The following CNTNAP2 variants were observed in gnomAD, a reference collection of about 807,000 sequenced individuals.
The protein encoded by CNTNAP2 is contactin-associated protein-like 2.
Under a neutral mutation model 155.2 loss-of-function variants are expected in CNTNAP2, and 98 were observed. The observed-to-expected ratio is 0.63, with a 90% CI of 0.54 to 0.75. CNTNAP2 has a LOEUF of 0.75. CNTNAP2 is among the 30% of genes least tolerant of loss of function. The probability of loss-of-function intolerance (pLI) is 0.00; values close to 1 mark genes in which losing one functional copy is unlikely to be tolerated. For missense variants in CNTNAP2, 1,727 were observed against 1,688.1 expected, an observed-to-expected ratio of 1.02 and a Z score of -0.40; for synonymous variants, 651 against 631.2, an observed-to-expected ratio of 1.03 and a Z score of -0.47.
At chr7:148,188,106 C>T (rs1368575348) in intron 18 of CNTNAP2, among the ~76,000 whole-genome samples, 1 of 152,032 alleles carries the variant, frequency 6.6e-6, no homozygotes, top group Non-Finnish European at 1.5e-5. Flanking sequence ...TGGAAAAAAT[C>T]GTGGGAGAGT....
intron 13 of CNTNAP2, chr7:147,643,327 A>C (rs752555061): frequency 4.6e-5 from 7 of 152,184 alleles, no homozygotes; most frequent in Non-Finnish European, 8.8e-5. Context: ...AAATATCGTA[A>C]AGTGAATTTC....
Position 147,738,108 on chromosome 7 carries a change from C to G in CNTNAP2, c.2098+98802C>G, listed in dbSNP as rs531905765. ...CAGACATCACCCGTCTTTTGTGTCA[C>G]TTACGCTGGGAGCTGTAGACTGGAG... is the stretch of plus-strand genomic sequence containing the variant. On this transcript the variant is annotated intron_variant, in intron 13 of 23. Transcript: ENST00000361727. Among the ~76,000 whole-genome samples, 243 of 152,280 alleles carry G rather than the reference C, an allele frequency of 1.6e-3. 1 individual carries two copies. Among genetic ancestry groups the G allele is most frequent in the African/African-American group, 5.7e-3 (235 of 41,566 alleles).
chr7:147,135,578 T>C (rs1473537186), intron 8 of CNTNAP2, among the ~76,000 whole-genome samples: 3 of 151,812 alleles, frequency 2.0e-5, no homozygotes, highest in Non-Finnish European at 4.4e-5. Context: ...GGCATAATTT[T>C]CATTTTAACT....
intron 13 of CNTNAP2, among the ~76,000 whole-genome samples, chr7:147,801,651 A>AC (rs1292922868): frequency 2.6e-5 from 4 of 152,186 alleles, no homozygotes. Flanking sequence ...TAAGGTCACC[A>AC]ATCAACAGGA....
intron 13 of CNTNAP2, among the ~76,000 whole-genome samples, chr7:147,742,272 G>A (rs192556099): frequency 2.8e-4 from 42 of 152,338 alleles, no homozygotes; most frequent in Admixed American, 7.2e-4. Context: ...ATTTGTCACT[G>A]TTCCAGCTCA....
At chr7:146,155,455 A>T (rs1281881629) in intron 1 of CNTNAP2, among the ~76,000 whole-genome samples, 1 of 152,050 alleles carries the variant, frequency 6.6e-6, no homozygotes, top group Non-Finnish European at 1.5e-5. Context: ...TCGTATAACT[A>T]TGTGTCCCGG....
chr7:147,922,871 A>G (rs1013362864), intron 14 of CNTNAP2, among the ~76,000 whole-genome samples: 1 of 152,222 alleles, frequency 6.6e-6, no homozygotes, highest in Non-Finnish European at 1.5e-5. Context: ...TTTCAAGCTC[A>G]ATATTAGATG....
chr7:146,508,544 C>A (rs528499827), intron 1 of CNTNAP2, among the ~76,000 whole-genome samples: 3 of 152,306 alleles, frequency 2.0e-5, no homozygotes, highest in South Asian at 2.1e-4. Flanking sequence ...TGTCTACCAG[C>A]AGCAGCACCT....
chr7:147,045,719 A>C (rs1456083694), intron 4 of CNTNAP2, among the ~76,000 whole-genome samples: 1 of 152,170 alleles, frequency 6.6e-6, no homozygotes, highest in Non-Finnish European at 1.5e-5. Flanking sequence ...GCATAGCATC[A>C]TGACGGGAAG....
chr7:147,896,163 A>G (rs1799772908), intron 13 of CNTNAP2, among the ~76,000 whole-genome samples: 1 of 152,234 alleles, frequency 6.6e-6, no homozygotes, highest in African/African-American at 2.4e-5. Flanking sequence ...ACCTCCTTGC[A>G]CCTGTACTCC....
chr7:146,244,116 A>T (rs1384803795), intron 1 of CNTNAP2, among the ~76,000 whole-genome samples: 3 of 152,162 alleles, frequency 2.0e-5, no homozygotes, highest in East Asian at 3.9e-4. Flanking sequence ...TAAGAGAAGG[A>T]GAAAAACAGG....
At chr7:147,621,545 TACAA>T (rs1398982283) in intron 12 of CNTNAP2, among the ~76,000 whole-genome samples, 4 of 152,162 alleles carry the variant, frequency 2.6e-5, no homozygotes, top group African/African-American at 9.6e-5. Context: ...TGTTTGTTTA[TACAA>T]ACAGTGTTAG....
rs370060309 is a variant in CNTNAP2, at chr7:146,219,154, A to G, written c.97+102181A>G. On this transcript the variant is annotated intron_variant, in intron 1 of 23. Transcript: ENST00000361727. ...TATAAGACCATCAGATCTCACGAGAAGTCACTCACTATCATGAGAACAGCA... is the reference window on the plus strand; with the variant it reads ...TATAAGACCATCAGATCTCACGAGAGGTCACTCACTATCATGAGAACAGCA... Among the ~76,000 whole-genome samples the G allele has an allele frequency of 7.2e-5, 11 of 152,246 alleles. No homozygotes were observed. The East Asian group carries it at 1.7e-3, about 24-fold the overall frequency.
intron 1 of CNTNAP2, among the ~76,000 whole-genome samples, chr7:146,730,089 T>C (rs975112199): frequency 1.3e-5 from 2 of 152,206 alleles, no homozygotes; most frequent in African/African-American, 4.8e-5. Context: ...TGAGGTTTCC[T>C]TTATCATCTG....
At chr7:147,483,777 C>A (rs7782445) in intron 10 of CNTNAP2, among the ~76,000 whole-genome samples, 7 of 152,066 alleles carry the variant, frequency 4.6e-5, no homozygotes, top group African/African-American at 1.7e-4. Flanking sequence ...CCATCATATG[C>A]AGAACCACCT....
chr7:148,244,520 GT>G (rs763352466), intron 20 of CNTNAP2, among the ~76,000 whole-genome samples: 12 of 149,230 alleles, frequency 8.0e-5, no homozygotes, highest in Non-Finnish European at 1.8e-4. Context: ...ATTTGTTAGG[GT>G]TTTTGATGTT....
rs530987446 is a variant in CNTNAP2, at chr7:148,352,795, C to T, written c.3476-30854C>T. 2.1e-4 allele frequency among the ~76,000 whole-genome samples: 32 copies of T among 152,322 alleles called. No individual in the cohort carries two copies. In the South Asian group the frequency reaches 6.6e-3, roughly 32 times the overall value. ...CCAGGACTGGAAGCCGCCACTCTCACCATGCACCGTGAGGGGGTATCCTTG... is the reference window on the plus strand; with the variant it reads ...CCAGGACTGGAAGCCGCCACTCTCATCATGCACCGTGAGGGGGTATCCTTG... On this transcript the variant is annotated intron_variant, in intron 21 of 23. Transcript: ENST00000361727.
chr7:146,692,391 T>A (rs1232277859), intron 1 of CNTNAP2, among the ~76,000 whole-genome samples: 4 of 152,102 alleles, frequency 2.6e-5, no homozygotes, highest in African/African-American at 9.7e-5. Flanking sequence ...ATACTAAGAG[T>A]TATCCTGTTG....
At chr7:148,076,971 C>A (rs776058712) in intron 15 of CNTNAP2, among the ~76,000 whole-genome samples, 4 of 152,106 alleles carry the variant, frequency 2.6e-5, no homozygotes, top group African/African-American at 4.8e-5. Flanking sequence ...GCAATCTGAA[C>A]CACAATGTTG....
Sources: allele counts gnomAD v4.1 joint callset (sites outside exome capture counted in the v4.1 genomes callset), GRCh38; gene constraint gnomAD v4.1.1; transcripts MANE v1.5; gene names NCBI Gene and HGNC (gene_info 2026-07-23, HGNC 2026-07-21).